The following ESRRG variants were observed in gnomAD, a reference collection of about 807,000 sequenced individuals.
The protein encoded by ESRRG is estrogen related receptor gamma, also known as estrogen-related receptor gamma.
ESRRG carries 13 observed loss-of-function variants against 44.0 expected under a neutral mutation model. That is an observed-to-expected ratio of 0.30 (90% CI 0.19 to 0.47). The LOEUF (loss-of-function observed/expected upper bound fraction) is 0.47. Among genes scored for constraint, ESRRG ranks in the 20% least tolerant of loss-of-function variants. The pLI, the probability that ESRRG is intolerant of heterozygous loss-of-function variation, is 1.00. For synonymous variants in ESRRG, 215 were observed against 214.6 expected, an observed-to-expected ratio of 1.00 and a Z score of -0.02; for missense variants, 395 against 580.6, an observed-to-expected ratio of 0.68 and a Z score of 3.29.
intron 1 of ESRRG, among the ~76,000 whole-genome samples, chr1:217,030,520 C>T (rs987668524): frequency 3.3e-5 from 5 of 152,192 alleles, no homozygotes; most frequent in African/African-American, 7.2e-5. Context: ...AGCTGTGTGA[C>T]CTTGAGCATA....
At chr1:217,115,893 G>T (rs2102478681) in intron 1 of ESRRG, among the ~76,000 whole-genome samples, 1 of 152,154 alleles carries the variant, frequency 6.6e-6, no homozygotes, top group East Asian at 1.9e-4. Flanking sequence ...TGACTACTCA[G>T]CCCCCAGAAC....
intron 2 of ESRRG, 145 bp downstream of exon 2, chr1:216,676,931 C>G (rs1325576994): frequency 1.6e-6 from 1 of 624,248 alleles, no homozygotes; most frequent in Non-Finnish European, 2.8e-6. Context: ...AAATCTTCCA[C>G]TATCAATTGT....
intron 3 of ESRRG, among the ~76,000 whole-genome samples, chr1:216,625,386 C>T (rs1043300325): frequency 3.8e-5 from 5 of 132,498 alleles, no homozygotes; most frequent in Admixed American, 8.2e-5. Flanking sequence ...TTTGTCCTCA[C>T]TTTACTTATG....
chr1:216,781,733 A>G (rs2093944091), intron 2 of ESRRG, among the ~76,000 whole-genome samples: 1 of 152,038 alleles, frequency 6.6e-6, no homozygotes, highest in Non-Finnish European at 1.5e-5. Context: ...AAAGCCAAGC[A>G]TGTAATCAGG....
chr1:217,137,489 G>A (rs2093065319), intron 1 of ESRRG, among the ~76,000 whole-genome samples: 2 of 152,216 alleles, frequency 1.3e-5, no homozygotes, highest in African/African-American at 2.4e-5. Flanking sequence ...CCGCGCCTGG[G>A]GCTCGAGAGC....
At chr1:216,922,202 T>C (rs1578181908) in intron 2 of ESRRG, among the ~76,000 whole-genome samples, 1 of 152,240 alleles carries the variant, frequency 6.6e-6, no homozygotes, top group East Asian at 1.9e-4. Flanking sequence ...TGACTGTCAC[T>C]TGATTTGCCA....
rs371599782 is a variant in ESRRG, at chr1:217,023,222, T to A, written c.-106+66285A>T. ...GATTTTCCTGCAATTTACCTCTCCA[T>A]TAATATATTTCAGAAATGGAATCAG... On this transcript the variant is annotated intron_variant, in intron 1 of 7. Coordinates refer to the ESRRG transcript ENST00000359162. Among the ~76,000 whole-genome samples, 3 of 152,274 alleles carry A rather than the reference T, an allele frequency of 2.0e-5. No homozygotes were observed. The South Asian group carries it at 6.2e-4, about 32-fold the overall frequency.
chr1:216,939,739 G>C (rs542224506), intron 1 of ESRRG: 1 of 150,464 alleles, frequency 6.6e-6, no homozygotes, highest in South Asian at 2.1e-4. Flanking sequence ...AAAAAGTAAG[G>C]TCAATTTTCT....
At chr1:216,507,255 A>C in intron 6 of ESRRG, 72 bp from the exon 7 acceptor site, 1 of 1,011,798 alleles carries the variant, frequency 9.9e-7, no homozygotes, top group Non-Finnish European at 1.4e-6. Context: ...GAGTTATAAA[A>C]TTAGTTATTA....
At chr1:216,757,376 T>C (rs1229162025) in intron 2 of ESRRG, among the ~76,000 whole-genome samples, 2 of 152,078 alleles carry the variant, frequency 1.3e-5, no homozygotes, top group African/African-American at 2.4e-5. Context: ...AAAGCCCATG[T>C]TTCAAAACAA....
intron 1 of ESRRG, among the ~76,000 whole-genome samples, chr1:217,137,423 G>A (rs1171890146): frequency 1.3e-5 from 2 of 152,204 alleles, no homozygotes; most frequent in Non-Finnish European, 2.9e-5. Flanking sequence ...TGTGCCCACC[G>A]CCCATGGCTC....
chr1:216,844,425 A>G lies in ESRRG; in HGVS notation c.-14+95157T>C, dbSNP rs543921291. ...CCCGAAGCTTGCTATGGTAAATTGA[A>G]TGAAATCTGCACTCCCCACTTGAGT... On this transcript the variant is annotated intron_variant, in intron 2 of 7. Transcript: ENST00000359162. Among the ~76,000 whole-genome samples, 117 of 152,220 alleles carry G rather than the reference A, an allele frequency of 7.7e-4. 1 individual carries two copies. Among genetic ancestry groups the G allele is most frequent in the African/African-American group, 2.7e-3 (112 of 41,558 alleles).
At chr1:216,794,865 C>G (rs145158996) in intron 2 of ESRRG, among the ~76,000 whole-genome samples, 10 of 152,228 alleles carry the variant, frequency 6.6e-5, no homozygotes, top group Non-Finnish European at 1.2e-4. Flanking sequence ...GAACATGAAC[C>G]AGGATAATCT....
chr1:216,835,169 T>G (rs2095544491), intron 2 of ESRRG, among the ~76,000 whole-genome samples: 1 of 152,170 alleles, frequency 6.6e-6, no homozygotes, highest in Non-Finnish European at 1.5e-5. Flanking sequence ...AGTTGAATCT[T>G]TGGTAACACC....
chr1:216,628,253 T>C (rs1002158120), intron 3 of ESRRG, among the ~76,000 whole-genome samples: 1 of 152,212 alleles, frequency 6.6e-6, no homozygotes, highest in African/African-American at 2.4e-5. Flanking sequence ...ATTTATTTGT[T>C]CATCCATTCA....
chr1:216,777,715 T>C (rs1199423224), intron 2 of ESRRG, among the ~76,000 whole-genome samples: 2 of 152,144 alleles, frequency 1.3e-5, no homozygotes, highest in East Asian at 3.9e-4. Context: ...AATAGTCCTA[T>C]TGTAAGTAAT....
intron 2 of ESRRG, among the ~76,000 whole-genome samples, chr1:216,894,732 G>C (rs1016099673): frequency 6.6e-6 from 1 of 151,996 alleles, no homozygotes; most frequent in Admixed American, 6.6e-5. Context: ...CAGAGAACAC[G>C]GTCAAGTGGT....
chr1:216,743,760 G>A (rs968006701), intron 2 of ESRRG, among the ~76,000 whole-genome samples: 3 of 152,132 alleles, frequency 2.0e-5, no homozygotes, highest in African/African-American at 7.2e-5. Flanking sequence ...AGTATCACAG[G>A]TTTATGATGT....
intron 1 of ESRRG, among the ~76,000 whole-genome samples, chr1:217,056,642 AG>A (rs1007339206): frequency 6.6e-6 from 1 of 151,488 alleles, no homozygotes; most frequent in African/African-American, 2.4e-5. Flanking sequence ...CTATGAGGGT[AG>A]GGGGAATTCT....
Sources: allele counts gnomAD v4.1 joint callset (sites outside exome capture counted in the v4.1 genomes callset), GRCh38; gene constraint gnomAD v4.1.1; transcripts MANE v1.5; gene names NCBI Gene and HGNC (gene_info 2026-07-23, HGNC 2026-07-21).